TEKT1: variants seen among roughly 807,000 people sequenced by gnomAD.
The protein encoded by TEKT1 is tektin-1.
TEKT1 carries 32 observed loss-of-function variants against 34.8 expected under a neutral mutation model. The observed-to-expected ratio is 0.92, with a 90% CI of 0.69 to 1.23. The LOEUF is 1.23. Ranked by LOEUF, TEKT1 falls within the 50% of genes most tolerant of loss-of-function variation. The probability of loss-of-function intolerance (pLI) is 0.00; values close to 1 mark genes in which losing one functional copy is unlikely to be tolerated. For synonymous variants in TEKT1, 207 were observed against 199.8 expected, an observed-to-expected ratio of 1.04 and a Z score of -0.30; for missense variants, 492 against 518.5, an observed-to-expected ratio of 0.95 and a Z score of 0.50.
rs1467085272 is a variant in TEKT1, at chr17:6,798,293, A to G, written c.*1734T>C. ...ATCACATCTCCCTGCAGAGCCTGGG[A>G]TCTGAATCCACCACTGAGGCTGGCT... On this transcript the variant is annotated 3_prime_UTR_variant, in exon 8 of 8. Transcript: ENST00000338694. The G allele has an allele frequency of 6.6e-6, 1 of 152,252 alleles. No individual in the cohort carries two copies. Among genetic ancestry groups the G allele is most frequent in the Admixed American group, 6.5e-5 (1 of 15,276 alleles). The allele number at this position is 152,252 out of a possible 1,614,324, so 9.4% of individuals were successfully genotyped here.
chr17:6,829,862 T>C (rs1904520988), intron 2 of TEKT1, among the ~76,000 whole-genome samples: 1 of 152,168 alleles, frequency 6.6e-6, no homozygotes, highest in Non-Finnish European at 1.5e-5. Flanking sequence ...TGTATCTTTA[T>C]CCTCTTCAAG....
At chr17:6,808,409 A>G (rs879926580) in intron 6 of TEKT1, among the ~76,000 whole-genome samples, 1 of 152,068 alleles carries the variant, frequency 6.6e-6, no homozygotes, top group Non-Finnish European at 1.5e-5. Context: ...GACCCCTTGC[A>G]CTTCCCGGGT....
intron 6 of TEKT1, among the ~76,000 whole-genome samples, chr17:6,808,414 C>T (rs1976878929): frequency 6.6e-6 from 1 of 152,188 alleles, no homozygotes; most frequent in Admixed American, 6.5e-5. Flanking sequence ...CTTGCACTTC[C>T]CGGGTGAGGC....
Position 6,799,759 on chromosome 17 carries a change from G to T in TEKT1, c.*268C>A. 2.9e-6 allele frequency: 1 copy of T among 346,154 alleles called. No individual in the cohort carries two copies. Among genetic ancestry groups the T allele is most frequent in the Non-Finnish European group, 5.2e-6 (1 of 191,784 alleles). The allele number at this position is 346,154 out of a possible 1,614,324, so 21.4% of individuals were successfully genotyped here. On this transcript the variant is annotated 3_prime_UTR_variant, in exon 8 of 8. Coordinates refer to ENST00000338694, the MANE Select transcript of TEKT1 (RefSeq NM_053285.2). Reference sequence around the variant, plus strand: ...TATTGAATTGAATCTGAACTGAAATGTCTTGAAACCCTGTCCTGGGGCCCC... The same window carrying T: ...TATTGAATTGAATCTGAACTGAAATTTCTTGAAACCCTGTCCTGGGGCCCC...
At chr17:6,807,342 C>T (rs1256773972) in intron 6 of TEKT1, among the ~76,000 whole-genome samples, 1 of 152,174 alleles carries the variant, frequency 6.6e-6, no homozygotes, top group African/African-American at 2.4e-5. Flanking sequence ...GACTTCTCTG[C>T]ATTGGTTATT....
At position 6,815,251 on chromosome 17, in the gene TEKT1, C is replaced by T. The variant is rs764639707; in HGVS notation, c.541G>A (p.Ala181Thr). ...AAGCAGATATCATCTATGGTCAGGG[C>T]CACAAACTTGTCCTTCAAATCCTTC... Reference protein sequence around the residue: ...LEKDLKDKFVALTIDDICFSL... With the variant: ...LEKDLKDKFVTLTIDDICFSL... Residue 181 changes from alanine to threonine, a missense_variant, in exon 5 of 8, where the codon GCC becomes ACC. By Grantham distance (58) the Ala-to-Thr change is moderately conservative. Coordinates refer to ENST00000338694, the MANE Select transcript of TEKT1 (RefSeq NM_053285.2). 1 of 1,614,186 alleles carries T rather than the reference C, an allele frequency of 6.2e-7. No individual in the cohort carries two copies. The highest frequency in any genetic ancestry group is 8.5e-7 in the Non-Finnish European group (1 of 1,180,026).
rs1460795216 is a variant in TEKT1, at chr17:6,798,568, A to T, written c.*1459T>A. On this transcript the variant is annotated 3_prime_UTR_variant, in exon 8 of 8. Transcript: ENST00000338694. Reference sequence around the variant, plus strand: ...GGGAAGGGCTGTGTATTTGCTGAGCACTCTGAGAGGAGACGTTCAGCACTG... The same window carrying T: ...GGGAAGGGCTGTGTATTTGCTGAGCTCTCTGAGAGGAGACGTTCAGCACTG... 1.3e-5 allele frequency: 2 copies of T among 152,228 alleles called. No individual in the cohort carries two copies. Among genetic ancestry groups the T allele is most frequent in the African/African-American group, 4.8e-5 (2 of 41,438 alleles). The allele number at this position is 152,228 out of a possible 1,614,324, so 9.4% of individuals were successfully genotyped here.
intron 5 of TEKT1, among the ~76,000 whole-genome samples, chr17:6,814,570 G>A (rs1976976582): frequency 6.6e-6 from 1 of 152,178 alleles, no homozygotes. Flanking sequence ...CAGGGGCGGT[G>A]GCTCACGCCT....
intron 3 of TEKT1, among the ~76,000 whole-genome samples, chr17:6,818,461 T>C (rs1977038575): frequency 1.3e-5 from 2 of 152,146 alleles, no homozygotes; most frequent in Non-Finnish European, 2.9e-5. Flanking sequence ...AAAAGCACTA[T>C]GTTCCTATAG....
intron 2 of TEKT1, among the ~76,000 whole-genome samples, chr17:6,826,617 CAGATAGATAGATAGATAGATAGAT>C (rs78082301): frequency 1.1e-4 from 16 of 145,886 alleles, no homozygotes; most frequent in African/African-American, 3.3e-4. Context: ...CTTAGATTTG[CAGATAGATAGATAGATAGATAGAT>C]AGATAGATAG....
intron 5 of TEKT1, among the ~76,000 whole-genome samples, chr17:6,813,471 ATAAAT>A (rs1481186787): frequency 6.6e-6 from 1 of 152,052 alleles, no homozygotes; most frequent in Non-Finnish European, 1.5e-5. Flanking sequence ...AAAAAAGTGA[ATAAAT>A]TACTCGTTTG....
At chr17:6,827,455 G>A (rs1173908030) in intron 2 of TEKT1, among the ~76,000 whole-genome samples, 2 of 151,712 alleles carry the variant, frequency 1.3e-5, no homozygotes, top group African/African-American at 4.8e-5. Flanking sequence ...GTAGAGACAG[G>A]GTTTCACCAT....
At chr17:6,828,832 T>A (rs1400111553) in intron 2 of TEKT1, among the ~76,000 whole-genome samples, 1 of 152,120 alleles carries the variant, frequency 6.6e-6, no homozygotes, top group Non-Finnish European at 1.5e-5. Context: ...TTTCCTGAGA[T>A]CTTTGCTAAA....
chr17:6,812,135 T>C (rs963086865), intron 6 of TEKT1, among the ~76,000 whole-genome samples: 4 of 152,014 alleles, frequency 2.6e-5, no homozygotes, highest in Non-Finnish European at 5.9e-5. Flanking sequence ...AGTGGCAGTT[T>C]CCCCTGCACT....
At position 6,811,836 on chromosome 17, in the gene TEKT1, G is replaced by A. The variant is rs761833162; in HGVS notation, c.852+995C>T. Reference sequence around the variant, plus strand: ...AATGTGTAGCTTGAAATCCACCAATGTGGGAGTATTTGTACTACAGACATC... The same window carrying A: ...AATGTGTAGCTTGAAATCCACCAATATGGGAGTATTTGTACTACAGACATC... On this transcript the variant is annotated intron_variant, in intron 6 of 7. Transcript: ENST00000338694. This position sits in a 1 kb window ranked among gnomAD's most constrained non-coding sequence, Gnocchi z 4.4. Among the ~76,000 whole-genome samples the A allele has an allele frequency of 9.2e-5, 14 of 152,242 alleles. No homozygotes were observed. Among genetic ancestry groups the A allele is most frequent in the Middle Eastern group, 3.4e-3 (1 of 294 alleles).
intron 4 of TEKT1, 143 bp downstream of exon 4, chr17:6,815,691 G>C: frequency 7.7e-7 from 1 of 1,306,214 alleles, no homozygotes; most frequent in Non-Finnish European, 1.0e-6. Flanking sequence ...CTTACCCTGA[G>C]TGCTGGGGCA....
At chr17:6,826,699 ATT>A (rs1297685104) in intron 2 of TEKT1, among the ~76,000 whole-genome samples, 2 of 122,784 alleles carry the variant, frequency 1.6e-5, no homozygotes. Context: ...GATTATTATT[ATT>A]TTTTTTTTTT....
At chr17:6,809,076 C>G (rs1471879991) in intron 6 of TEKT1, among the ~76,000 whole-genome samples, 1 of 152,168 alleles carries the variant, frequency 6.6e-6, no homozygotes, top group Non-Finnish European at 1.5e-5. Context: ...TTTCTCCCCC[C>G]ATCCAGGTTT....
rs1976746935 is a variant in TEKT1 at position 6,800,096 on chromosome 17, G to T, written c.1188C>A (p.Ser396=). ...GGTCTTCCCCATCCCGAAGTGGGAT[G>T]GATTTCCTCATCTGCATACACAGCA... ...DEVLCMQMRK[S]IPLRDGEDHG... Residue 396 remains serine, a synonymous_variant, in exon 8 of 8, where the codon TCC becomes TCA. Coordinates refer to ENST00000338694, the MANE Select transcript of TEKT1 (RefSeq NM_053285.2). 1.2e-6 allele frequency: 2 copies of T among 1,613,768 alleles called. No homozygotes were observed. Among genetic ancestry groups the T allele is most frequent in the Non-Finnish European group, 1.7e-6 (2 of 1,180,036 alleles).
Sources: allele counts gnomAD v4.1 joint callset (sites outside exome capture counted in the v4.1 genomes callset), GRCh38; gene constraint gnomAD v4.1.1; non-coding constraint Gnocchi (gnomAD v3.1); transcripts MANE v1.5; gene names NCBI Gene and HGNC (gene_info 2026-07-23, HGNC 2026-07-21).